Variants in MRTFB observed in about 807,000 individuals in gnomAD.
The protein encoded by MRTFB is myocardin related transcription factor B.
Under a neutral mutation model 104.2 loss-of-function variants are expected in MRTFB, and 29 were observed. That is an observed-to-expected ratio of 0.28 (90% CI 0.21 to 0.38). The LOEUF is 0.38. Ranked by LOEUF, MRTFB falls within the 10% of genes least tolerant of loss-of-function variation. The probability of loss-of-function intolerance (pLI) is 1.00; values close to 1 mark genes in which losing one functional copy is unlikely to be tolerated. For synonymous variants in MRTFB, 535 were observed against 519.5 expected (o/e 1.03, Z -0.41); for missense variants, 1,270 against 1,341.6 (o/e 0.95, Z 0.83).
chr16:14,068,623 T>C (rs2033545662), upstream of MRTFB, among the ~76,000 whole-genome samples: 1 of 152,168 alleles, frequency 6.6e-6, no homozygotes. Context: ...TTGTTGGGCA[T>C]GTCCTCTCAC....
the MRTFB span, among the ~76,000 whole-genome samples, chr16:14,051,644 T>A: frequency 6.6e-6 from 1 of 151,648 alleles, no homozygotes; most frequent in Non-Finnish European, 1.5e-5. Flanking sequence ...CACACTCGTA[T>A]AGACACACAT....
chr16:14,200,062 A>T (rs1342663513), intron 3 of MRTFB: 5 of 513,578 alleles, frequency 9.7e-6, no homozygotes, highest in African/African-American at 1.9e-5. Context: ...GCTGGACTAC[A>T]GATTGGCACA....
chr16:14,012,324 A>C, the MRTFB span, among the ~76,000 whole-genome samples: 1 of 117,108 alleles, frequency 8.5e-6, no homozygotes, highest in Non-Finnish European at 1.6e-5. Flanking sequence ...TTTGAGACAG[A>C]GTCTCGCTCT....
At chr16:14,167,966 C>T (rs2039303115) in intron 3 of MRTFB, among the ~76,000 whole-genome samples, 1 of 151,950 alleles carries the variant, frequency 6.6e-6, no homozygotes, top group African/African-American at 2.4e-5. Context: ...AGATTACAGG[C>T]GTGAGCCACC....
chr16:14,151,837 G>A (rs1287630790), intron 3 of MRTFB: 1 of 152,072 alleles, frequency 6.6e-6, no homozygotes, highest in Non-Finnish European at 1.5e-5. Context: ...AGACAAACAG[G>A]CCAAAACTCA....
In MRTFB at chr16:14,099,901, C is replaced by T. The variant is rs372094625; in HGVS notation, c.-64+20547C>T. Among the ~76,000 whole-genome samples the T allele has an allele frequency of 3.9e-5, 6 of 152,220 alleles. 1 individual carries two copies. The highest frequency in any genetic ancestry group is 1.4e-4 in the African/African-American group (6 of 41,554). On this transcript the variant is annotated intron_variant, in intron 2 of 16. Coordinates refer to ENST00000571589, the MANE Select transcript of MRTFB (RefSeq NM_001308142.2). ...CAGGCTGGTCTCGAACTCCTGACCT[C>T]AGGTGAACCCACCTCGGACTCCCAA...
chr16:14,068,822 G>A (rs1045224929), upstream of MRTFB, among the ~76,000 whole-genome samples: 11 of 152,130 alleles, frequency 7.2e-5, no homozygotes, highest in African/African-American at 2.2e-4. Context: ...ATCAGTGACT[G>A]AGTAAGGAAG....
intron 3 of MRTFB, among the ~76,000 whole-genome samples, chr16:14,170,751 A>G (rs1309018408): frequency 2.6e-5 from 4 of 152,168 alleles, no homozygotes. Context: ...GGATTCTGGA[A>G]TACATTTCCA....
the MRTFB span, among the ~76,000 whole-genome samples, chr16:14,057,091 C>T: frequency 1.6e-4 from 25 of 152,266 alleles, no homozygotes; most frequent in Non-Finnish European, 3.1e-4. Context: ...GCTGACATCA[C>T]GGTCCTTCCT....
chr16:14,140,999 A>T (rs2037970063), intron 3 of MRTFB: 1 of 428,148 alleles, frequency 2.3e-6, no homozygotes, highest in South Asian at 3.1e-5. Flanking sequence ...AATAATCTTT[A>T]GATTCAGCCA....
At chr16:14,024,746 T>C in the MRTFB span, among the ~76,000 whole-genome samples, 1 of 152,224 alleles carries the variant, frequency 6.6e-6, no homozygotes, top group East Asian at 1.9e-4. Flanking sequence ...ATCTCTATTT[T>C]TTAATTTTAC....
chr16:14,107,542 A>G (rs1428985162), intron 2 of MRTFB, among the ~76,000 whole-genome samples: 1 of 152,204 alleles, frequency 6.6e-6, no homozygotes, highest in African/African-American at 2.4e-5. Flanking sequence ...AATGGTGAGC[A>G]CAGTTGGGGA....
intron 1 of MRTFB, among the ~76,000 whole-genome samples, chr16:14,072,202 C>A (rs895025337): frequency 6.6e-6 from 1 of 152,236 alleles, no homozygotes; most frequent in African/African-American, 2.4e-5. Flanking sequence ...AAGGTCCCTT[C>A]TTCCCCTTTG....
At chr16:14,182,532 A>G (rs533745164) in intron 3 of MRTFB, among the ~76,000 whole-genome samples, 1 of 152,338 alleles carries the variant, frequency 6.6e-6, no homozygotes, top group Admixed American at 6.5e-5. Context: ...CCATTCATAT[A>G]TAGAGATATA....
chr16:14,099,657 C>T (rs1335990209), intron 2 of MRTFB, among the ~76,000 whole-genome samples: 1 of 148,548 alleles, frequency 6.7e-6, no homozygotes, highest in Non-Finnish European at 1.5e-5. Context: ...CCGTATTCTG[C>T]ATCTTTTCTT....
At chr16:14,186,385 G>C (rs1474791496) in intron 3 of MRTFB, among the ~76,000 whole-genome samples, 3 of 152,222 alleles carry the variant, frequency 2.0e-5, no homozygotes, top group Non-Finnish European at 4.4e-5. Context: ...ATGAGTAATT[G>C]ATGTGCTTGT....
intron 2 of MRTFB, among the ~76,000 whole-genome samples, chr16:14,097,649 C>T (rs1050313983): frequency 6.6e-6 from 1 of 152,178 alleles, no homozygotes; most frequent in Non-Finnish European, 1.5e-5. Context: ...CACGTACACC[C>T]ATGAAACTTT....
intron 2 of MRTFB, among the ~76,000 whole-genome samples, chr16:14,106,533 A>T (rs1046152906): frequency 6.6e-6 from 1 of 152,192 alleles, no homozygotes; most frequent in Non-Finnish European, 1.5e-5. Context: ...TGAGTGAGTT[A>T]TTTAGCCTCT....
intron 3 of MRTFB, among the ~76,000 whole-genome samples, chr16:14,146,569 G>T (rs1164067547): frequency 6.6e-6 from 1 of 152,120 alleles, no homozygotes; most frequent in African/African-American, 2.4e-5. Context: ...TCTTTGCTTT[G>T]GTTTCAATAC....
Sources: gnomAD v4.1 joint callset for allele counts (sites outside exome capture counted in the v4.1 genomes callset) on GRCh38, gnomAD v4.1.1 for gene constraint, MANE v1.5 for transcripts, NCBI Gene and HGNC (gene_info 2026-07-23, HGNC 2026-07-21) for gene names.